Variants in TTC27 observed in about 807,000 individuals in gnomAD.
The protein encoded by TTC27 is tetratricopeptide repeat protein 27.
TTC27 carries 79 observed loss-of-function variants against 115.9 expected under a neutral mutation model. That is an observed-to-expected ratio of 0.68 (90% CI 0.57 to 0.82). The LOEUF (loss-of-function observed/expected upper bound fraction) is 0.82. Ranked by LOEUF, TTC27 falls within the 40% of genes least tolerant of loss-of-function variation. The probability of loss-of-function intolerance (pLI) is 0.00; values close to 1 mark genes in which losing one functional copy is unlikely to be tolerated. For synonymous variants in TTC27, 401 were observed against 356.0 expected, an observed-to-expected ratio of 1.13 and a Z score of -1.42; for missense variants, 1,054 against 993.1, an observed-to-expected ratio of 1.06 and a Z score of -0.82.
intron 18 of TTC27, among the ~76,000 whole-genome samples, chr2:32,815,223 A>ATTTTTTT (rs533493768): frequency 0.018 from 1,008 of 55,516 alleles, 240 homozygotes; most frequent in East Asian, 0.035. Context: ...GCTGCTTCAG[A>ATTTTTTT]TTTTTTTTTT....
intron 13 of TTC27, among the ~76,000 whole-genome samples, chr2:32,761,061 C>T (rs577563570): frequency 7.2e-5 from 11 of 152,238 alleles, no homozygotes; most frequent in South Asian, 2.1e-4. Flanking sequence ...CTGAACTCGA[C>T]GCCAGTACTT....
At chr2:32,779,622 C>T (rs923919749) in intron 14 of TTC27, among the ~76,000 whole-genome samples, 1 of 151,514 alleles carries the variant, frequency 6.6e-6, no homozygotes, top group African/African-American at 2.4e-5. Context: ...ATTGATTGTG[C>T]ACTTTAAAGC....
At chr2:32,776,904 C>G (rs1476431610) in intron 13 of TTC27, among the ~76,000 whole-genome samples, 1 of 152,186 alleles carries the variant, frequency 6.6e-6, no homozygotes. Flanking sequence ...GCCACCACAC[C>G]CAGCCGAATT....
chr2:32,682,665 A>G (rs1307188672), intron 9 of TTC27, among the ~76,000 whole-genome samples: 1 of 123,610 alleles, frequency 8.1e-6, no homozygotes, highest in African/African-American at 2.8e-5. Flanking sequence ...ATATAATAGA[A>G]GTCTTTTTTT....
intron 13 of TTC27, among the ~76,000 whole-genome samples, chr2:32,764,758 A>G (rs971454105): frequency 1.3e-5 from 2 of 152,244 alleles, no homozygotes; most frequent in Non-Finnish European, 2.9e-5. Flanking sequence ...AAGTTTATGT[A>G]ATATTCTAAA....
rs1666304963 is a variant in TTC27, at chr2:32,678,594, A to AT, written c.1053-256dup. Among the ~76,000 whole-genome samples, 3 of 151,720 alleles carry AT rather than the reference A, an allele frequency of 2.0e-5. 1 individual carries two copies. The South Asian group carries it at 6.3e-4, about 32-fold the overall frequency. Reference sequence around the variant, plus strand: ...AGGTACTTGCCACCACGGCAGGCTAATTTTTTGTATTTTTAGTAGAGACAG... The same window carrying AT: ...AGGTACTTGCCACCACGGCAGGCTAATTTTTTTGTATTTTTAGTAGAGACAG... On this transcript the variant is annotated intron_variant, in intron 8 of 19. Transcript: ENST00000317907.
At chr2:32,686,697 C>T (rs1020748388) in intron 9 of TTC27, among the ~76,000 whole-genome samples, 2 of 151,890 alleles carry the variant, frequency 1.3e-5, no homozygotes, top group African/African-American at 4.8e-5. Flanking sequence ...TACCCTTCTG[C>T]AGAAAAAAAT....
chr2:32,748,977 C>CGCGCCCAT (rs1668921209), intron 12 of TTC27, among the ~76,000 whole-genome samples: 1 of 152,148 alleles, frequency 6.6e-6, no homozygotes, highest in Non-Finnish European at 1.5e-5. Context: ...CGTGAGCCAC[C>CGCGCCCAT]ATGCCTGGCC....
intron 7 of TTC27, among the ~76,000 whole-genome samples, 157 bp downstream of exon 7, chr2:32,666,925 T>G (rs1315573837): frequency 6.6e-6 from 1 of 151,674 alleles, no homozygotes; most frequent in Non-Finnish European, 1.5e-5. Context: ...AACTGGTGTT[T>G]AACTGGTGTT....
chr2:32,660,116 A>C (rs906365589), intron 5 of TTC27, among the ~76,000 whole-genome samples: 1 of 152,130 alleles, frequency 6.6e-6, no homozygotes, highest in African/African-American at 2.4e-5. Context: ...GGTTGAACTA[A>C]TTTACATTCC....
intron 11 of TTC27, among the ~76,000 whole-genome samples, chr2:32,735,015 T>A (rs1668405465): frequency 6.6e-6 from 1 of 152,192 alleles, no homozygotes; most frequent in African/African-American, 2.4e-5. Context: ...TCTACTATTG[T>A]TATTTTAACC....
chr2:32,702,791 T>A lies in TTC27; in HGVS notation c.1120-16T>A. 1 of 1,567,790 alleles carries A rather than the reference T, an allele frequency of 6.4e-7. No homozygotes were observed. Among genetic ancestry groups the A allele is most frequent in the African/African-American group, 1.4e-5 (1 of 74,052 alleles). On this transcript the variant is annotated splice_polypyrimidine_tract_variant and intron_variant, in intron 9 of 19. Coordinates refer to ENST00000317907, the MANE Select transcript of TTC27 (RefSeq NM_017735.5). ...TTATCTCTTTTCTATGATTTTTTTC[T>A]TCCCGCTTCTATCAGTGTTTGCTTT...
chr2:32,669,837 G>A (rs1393813232), intron 7 of TTC27, among the ~76,000 whole-genome samples: 1 of 130,240 alleles, frequency 7.7e-6, no homozygotes, highest in Non-Finnish European at 1.6e-5. Context: ...AGTGAGCCGA[G>A]ATCATGCTAC....
At chr2:32,677,187 G>A (rs1308125073) in intron 8 of TTC27, among the ~76,000 whole-genome samples, 2 of 151,950 alleles carry the variant, frequency 1.3e-5, no homozygotes, top group African/African-American at 2.4e-5. Context: ...TCTCATTATT[G>A]TATTCCTGTG....
intron 13 of TTC27, among the ~76,000 whole-genome samples, chr2:32,762,493 T>G (rs1477266102): frequency 6.6e-6 from 1 of 152,188 alleles, no homozygotes; most frequent in Non-Finnish European, 1.5e-5. Flanking sequence ...GTTGATTTCT[T>G]TGGAGCTTTG....
chr2:32,736,290 C>CT (rs1323683877), intron 11 of TTC27, among the ~76,000 whole-genome samples: 1 of 152,026 alleles, frequency 6.6e-6, no homozygotes, highest in African/African-American at 2.4e-5. Flanking sequence ...TTCAGCAGGG[C>CT]TAATGCATAG....
At chr2:32,703,163 G>A (rs1235377440) in intron 10 of TTC27, among the ~76,000 whole-genome samples, 1 of 152,106 alleles carries the variant, frequency 6.6e-6, no homozygotes, top group East Asian at 1.9e-4. Context: ...CTGTAAAAGA[G>A]GTTAATAATA....
At chr2:32,800,427 C>A (rs913611606) in intron 16 of TTC27, among the ~76,000 whole-genome samples, 1 of 152,056 alleles carries the variant, frequency 6.6e-6, no homozygotes, top group Non-Finnish European at 1.5e-5. Context: ...ATGATCTGCC[C>A]GCCTTGGCCT....
chr2:32,693,030 A>G (rs1158314517), intron 9 of TTC27, among the ~76,000 whole-genome samples: 1 of 152,126 alleles, frequency 6.6e-6, no homozygotes. Flanking sequence ...GAAGATGTAA[A>G]TAAACGGAGT....
Sources: gnomAD v4.1 joint callset for allele counts (sites outside exome capture counted in the v4.1 genomes callset) on GRCh38, gnomAD v4.1.1 for gene constraint, MANE v1.5 for transcripts, NCBI Gene and HGNC (gene_info 2026-07-23, HGNC 2026-07-21) for gene names.